PLCE1: variants seen among roughly 807,000 people sequenced by gnomAD.
The protein encoded by PLCE1 is phospholipase C epsilon 1, also known as 1-phosphatidylinositol 4,5-bisphosphate phosphodiesterase epsilon-1.
In PLCE1, 119 loss-of-function variants were observed where a neutral mutation model predicts 242.8. That is an observed-to-expected ratio of 0.49 (90% CI 0.42 to 0.57). The LOEUF (loss-of-function observed/expected upper bound fraction) is 0.57. Among genes scored for constraint, PLCE1 ranks in the 20% least tolerant of loss-of-function variants. The probability of loss-of-function intolerance (pLI) is 0.00; values close to 1 mark genes in which losing one functional copy is unlikely to be tolerated. For missense variants in PLCE1, 2,441 were observed against 2,788.8 expected, an observed-to-expected ratio of 0.88 and a Z score of 2.81; for synonymous variants, 945 against 1,017.4, an observed-to-expected ratio of 0.93 and a Z score of 1.35.
intron 3 of PLCE1, among the ~76,000 whole-genome samples, chr10:94,169,314 T>C (rs1295377799): frequency 2.0e-5 from 3 of 152,162 alleles, no homozygotes. Context: ...GTTTAAAGGA[T>C]AAGGGATGTC....
At chr10:94,227,575 GA>G in intron 5 of PLCE1, 124 bp downstream of exon 5, 1 of 926,510 alleles carries the variant, frequency 1.1e-6, no homozygotes, top group Non-Finnish European at 1.8e-6. Context: ...ATTAACTTGG[GA>G]AATGTATTAT....
intron 1 of PLCE1, among the ~76,000 whole-genome samples, chr10:94,013,096 A>G (rs1376910514): frequency 6.6e-6 from 1 of 152,254 alleles, no homozygotes; most frequent in Non-Finnish European, 1.5e-5. Flanking sequence ...AACCCAAGGC[A>G]GGAAGCATCT....
intron 3 of PLCE1, among the ~76,000 whole-genome samples, chr10:94,170,510 T>C (rs2047939411): frequency 6.6e-6 from 1 of 152,222 alleles, no homozygotes; most frequent in Middle Eastern, 3.2e-3. Flanking sequence ...GTCACCTTCT[T>C]GCTACCAGTT....
chr10:94,169,852 T>G (rs966768038), intron 3 of PLCE1, among the ~76,000 whole-genome samples: 1 of 152,168 alleles, frequency 6.6e-6, no homozygotes, highest in African/African-American at 2.4e-5. Flanking sequence ...GACATGCCTG[T>G]GATGGAAAGT....
intron 4 of PLCE1, among the ~76,000 whole-genome samples, chr10:94,184,685 A>G (rs1027247296): frequency 3.3e-5 from 5 of 151,968 alleles, no homozygotes; most frequent in Non-Finnish European, 5.9e-5. Context: ...TAGCCACACA[A>G]CCTTTCATTC....
intron 2 of PLCE1, among the ~76,000 whole-genome samples, chr10:94,076,764 C>T (rs973421378): frequency 6.3e-4 from 95 of 149,680 alleles, no homozygotes; most frequent in African/African-American, 2.3e-3. Context: ...TGCTGGCAGC[C>T]GTGGGTGTCC....
chr10:94,327,935 T>C (rs145174290), intron 32 of PLCE1, 33 bp from the exon 33 acceptor site: 1 of 524,330 alleles, frequency 1.9e-6, no homozygotes, highest in East Asian at 5.5e-5. Context: ...TCATTTTCAG[T>C]ATACTAATAA....
intron 2 of PLCE1, among the ~76,000 whole-genome samples, chr10:94,032,669 C>T (rs1217910308): frequency 6.6e-6 from 1 of 152,006 alleles, no homozygotes; most frequent in Non-Finnish European, 1.5e-5. Context: ...GCCCCACTTC[C>T]TTCCCTCTTA....
intron 32 of PLCE1, among the ~76,000 whole-genome samples, chr10:94,327,119 G>A (rs946844818): frequency 1.2e-4 from 18 of 152,070 alleles, no homozygotes; most frequent in African/African-American, 3.9e-4. Context: ...CCGAGATTGC[G>A]CCACTGCACT....
At chr10:94,243,641 G>A (rs764053116) in intron 7 of PLCE1, among the ~76,000 whole-genome samples, 23 of 152,124 alleles carry the variant, frequency 1.5e-4, no homozygotes, top group Non-Finnish European at 2.8e-4. Context: ...TAATTATCAG[G>A]TGACTGAGCA....
chr10:94,266,893 T>C (rs746907768), intron 16 of PLCE1, among the ~76,000 whole-genome samples: 2 of 152,218 alleles, frequency 1.3e-5, no homozygotes, highest in Non-Finnish European at 2.9e-5. Context: ...TGAATGAAGA[T>C]GTGTTCTTAG....
chr10:94,284,846 A>T lies in PLCE1; in HGVS notation c.4918-2A>T. Reference sequence around the variant, plus strand: ...AAAATGGTATCATTTTTCCCTTACCAGGTTTATGATATGGAACTGGGAGAA... The same window carrying T: ...AAAATGGTATCATTTTTCCCTTACCTGGTTTATGATATGGAACTGGGAGAA... On this transcript the variant is annotated splice_acceptor_variant, in intron 21 of 32. Transcript: ENST00000371380. LOFTEE classifies it high-confidence loss of function. 1 of 1,502,808 alleles carries T rather than the reference A, an allele frequency of 6.7e-7. No individual in the cohort carries two copies. Among genetic ancestry groups the T allele is most frequent in the Non-Finnish European group, 9.3e-7 (1 of 1,078,678 alleles). The allele number at this position is 1,502,808 out of a possible 1,614,324, so 93.1% of individuals were successfully genotyped here. A position where few individuals can be genotyped will look rare whatever the true frequency, so the allele number is the denominator to read the frequency against.
rs192572790 is a variant in PLCE1, at chr10:94,168,618, C to T, written c.1493-2562C>T. Reference sequence around the variant, plus strand: ...TTGCTGTTTCCCACCAGTCACTAGACTTGTTATTCATTGTAACAGCATGTG... The same window carrying T: ...TTGCTGTTTCCCACCAGTCACTAGATTTGTTATTCATTGTAACAGCATGTG... On this transcript the variant is annotated intron_variant, in intron 3 of 32. Transcript: ENST00000371380. Among the ~76,000 whole-genome samples the T allele has an allele frequency of 3.3e-3, 509 of 152,266 alleles. 4 individuals carry two copies. In the South Asian group the frequency reaches 0.043, roughly 13 times the overall value.
At chr10:94,107,490 A>T (rs2045794189) in intron 2 of PLCE1, 1 of 152,230 alleles carries the variant, frequency 6.6e-6, no homozygotes, top group African/African-American at 2.4e-5. Flanking sequence ...AACTACAAAG[A>T]TACCCCATGA....
intron 3 of PLCE1, 149 bp downstream of exon 3, chr10:94,132,608 G>T (rs2046635083): frequency 7.8e-6 from 6 of 770,388 alleles, no homozygotes; most frequent in Non-Finnish European, 1.3e-5. Context: ...ATAAAAAGGT[G>T]GTCCCTTATT....
chr10:94,219,760 A>T (rs148004947), intron 4 of PLCE1, among the ~76,000 whole-genome samples: 3 of 152,326 alleles, frequency 2.0e-5, no homozygotes, highest in African/African-American at 7.2e-5. Context: ...TGTTATCTGG[A>T]TAAGTGGCAG....
chr10:94,132,949 C>CAAAA (rs33967020), intron 3 of PLCE1, among the ~76,000 whole-genome samples: 6 of 88,826 alleles, frequency 6.8e-5, no homozygotes, highest in South Asian at 3.9e-4. Context: ...GACTCCATCT[C>CAAAA]AAAAAAAAAA....
intron 4 of PLCE1, among the ~76,000 whole-genome samples, chr10:94,205,770 CA>C (rs1319046780): frequency 1.3e-5 from 2 of 152,252 alleles, no homozygotes; most frequent in African/African-American, 2.4e-5. Context: ...GGCAGGCTGC[CA>C]AAAACCACTG....
chr10:94,242,792 A>G (rs1394067863), intron 7 of PLCE1, among the ~76,000 whole-genome samples: 6 of 152,102 alleles, frequency 3.9e-5, no homozygotes, highest in South Asian at 2.1e-4. Flanking sequence ...ACCAACTGGA[A>G]GAGCTCCCAA....
Sources: gnomAD v4.1 joint callset for allele counts (sites outside exome capture counted in the v4.1 genomes callset) on GRCh38, gnomAD v4.1.1 for gene constraint, MANE v1.5 for transcripts, NCBI Gene and HGNC (gene_info 2026-07-23, HGNC 2026-07-21) for gene names.